The following TRAK1 variants were observed in gnomAD, a reference collection of about 807,000 sequenced individuals.
TRAK1 encodes the protein trafficking kinesin-binding protein 1.
A neutral mutation model predicts 92.1 loss-of-function variants in TRAK1; 33 were observed. The ratio of observed to expected loss-of-function variants is 0.36; its 90% CI spans 0.27 to 0.48. The LOEUF (loss-of-function observed/expected upper bound fraction) is 0.48, where lower values mean the gene tolerates loss of function less well. Ranked by LOEUF, TRAK1 falls within the 20% of genes least tolerant of loss-of-function variation. TRAK1 has a pLI of 0.99. For synonymous variants in TRAK1, 521 were observed against 517.3 expected, an observed-to-expected ratio of 1.01 and a Z score of -0.10; for missense variants, 1,123 against 1,257.9, an observed-to-expected ratio of 0.89 and a Z score of 1.62.
chr3:42,095,388 T>A (rs1705755271), intron 1 of TRAK1, among the ~76,000 whole-genome samples: 1 of 152,234 alleles, frequency 6.6e-6, no homozygotes, highest in Non-Finnish European at 1.5e-5. Flanking sequence ...TTCTTCATTT[T>A]TTTTCTGTTT....
chr3:42,050,146 G>A (rs1314909663), intron 1 of TRAK1, among the ~76,000 whole-genome samples: 1 of 150,414 alleles, frequency 6.6e-6, no homozygotes, highest in African/African-American at 2.4e-5. Context: ...CTTGGCTGAT[G>A]ATGCTTTGTC....
rs1705291737 is a variant in TRAK1 at position 42,189,010 on chromosome 3, C to T, written c.582-6C>T. 6.2e-7 allele frequency: 1 copy of T among 1,605,498 alleles called. No individual in the cohort carries two copies. The highest frequency in any genetic ancestry group is 8.5e-7 in the Non-Finnish European group (1 of 1,172,254). On this transcript the variant is annotated splice_region_variant and splice_polypyrimidine_tract_variant and intron_variant, in intron 5 of 15. Transcript: ENST00000327628. ...CCCTAGGTTGTGAGCGTACTTTCTC[C>T]CCCAGGTTGAAGAGGAATGAGTCGT... is the stretch of plus-strand genomic sequence containing the variant.
intron 4 of TRAK1, among the ~76,000 whole-genome samples, chr3:42,187,214 T>C (rs903480747): frequency 6.6e-6 from 1 of 152,150 alleles, no homozygotes; most frequent in Non-Finnish European, 1.5e-5. Flanking sequence ...TCCAGGAGCC[T>C]TGTGAGGGTG....
chr3:42,181,914 T>G (rs1031550045), intron 3 of TRAK1, among the ~76,000 whole-genome samples: 3 of 152,008 alleles, frequency 2.0e-5, no homozygotes, highest in Non-Finnish European at 2.9e-5. Context: ...TAAGCACAGC[T>G]GTTGAGTCTG....
chr3:42,209,545 C>T (rs775449629), intron 13 of TRAK1, among the ~76,000 whole-genome samples: 1 of 152,160 alleles, frequency 6.6e-6, no homozygotes, highest in African/African-American at 2.4e-5. Context: ...GATTTCTTAA[C>T]TTGCTATTCC....
intron 2 of TRAK1, among the ~76,000 whole-genome samples, chr3:42,131,902 TAA>T (rs57140951): frequency 0.015 from 2,091 of 137,608 alleles, 53 homozygotes; most frequent in East Asian, 0.1. Flanking sequence ...TACAAAAAAT[TAA>T]AAAAAAAAAA....
chr3:42,127,898 G>T (rs533959783), intron 2 of TRAK1, among the ~76,000 whole-genome samples: 1 of 152,154 alleles, frequency 6.6e-6, no homozygotes, highest in Non-Finnish European at 1.5e-5. Flanking sequence ...TAGACTTGAG[G>T]CCGGGCGTGG....
intron 10 of TRAK1, among the ~76,000 whole-genome samples, 197 bp from the exon 11 acceptor site, chr3:42,198,980 A>C (rs1445410816): frequency 6.6e-6 from 1 of 152,058 alleles, no homozygotes; most frequent in Non-Finnish European, 1.5e-5. Flanking sequence ...GCACTGCCAC[A>C]CTCAGAACCT....
chr3:42,160,771 G>A (rs940155675), intron 2 of TRAK1, among the ~76,000 whole-genome samples: 3 of 151,966 alleles, frequency 2.0e-5, no homozygotes, highest in African/African-American at 4.8e-5. Context: ...GCCACTTCCC[G>A]ATCTTTGTAA....
At chr3:42,164,941 G>A (rs1701682172) in intron 2 of TRAK1, among the ~76,000 whole-genome samples, 1 of 152,170 alleles carries the variant, frequency 6.6e-6, no homozygotes, top group African/African-American at 2.4e-5. Context: ...CTTCCTTGTG[G>A]CCTATTACCT....
intron 2 of TRAK1, among the ~76,000 whole-genome samples, chr3:42,153,515 C>T (rs1448585167): frequency 6.6e-6 from 1 of 152,208 alleles, no homozygotes; most frequent in Non-Finnish European, 1.5e-5. Context: ...TCACCTCCCC[C>T]TTTTATAACC....
chr3:42,091,518 C>T lies in TRAK1; in HGVS notation c.49C>T (p.Pro17Ser). ...FGQPVRAQPL[P>S]GLCHGKLIRT... ...GCAGCCCGTCAGGGCTCAGCCTCTGCCAGGACTCTGCCACGGCAAGCTCAT... is the reference window on the plus strand; with the variant it reads ...GCAGCCCGTCAGGGCTCAGCCTCTGTCAGGACTCTGCCACGGCAAGCTCAT... Residue 17 changes from proline (P) to serine (S), a missense_variant, in exon 1 of 16, where the codon CCA becomes TCA. This residue lies in a region of TRAK1 where 686 missense variants were observed against 747.6 expected (regional missense o/e 0.92). Coordinates refer to ENST00000327628, the MANE Select transcript of TRAK1 (RefSeq NM_001042646.3). The T allele has an allele frequency of 6.2e-7, 1 of 1,613,480 alleles. No homozygotes were observed. Among genetic ancestry groups the T allele is most frequent in the Non-Finnish European group, 8.5e-7 (1 of 1,179,848 alleles).
rs74912340 is a variant in TRAK1, at chr3:42,057,728, G to A, written c.-518-29376G>A. Among the ~76,000 whole-genome samples the A allele has an allele frequency of 6.1e-3, 933 of 152,176 alleles. 6 individuals carry two copies. Among genetic ancestry groups the A allele is most frequent in the African/African-American group, 0.021 (863 of 41,528 alleles). ...GTGGCCAAGCAGAAAGGGAGCAGACGAACTTAGATTCTGGGGTTGGCTCTG... is the reference window on the plus strand; with the variant it reads ...GTGGCCAAGCAGAAAGGGAGCAGACAAACTTAGATTCTGGGGTTGGCTCTG... On this transcript the variant is annotated intron_variant, in intron 1 of 16. Coordinates refer to the TRAK1 transcript ENST00000487159.
intron 1 of TRAK1, among the ~76,000 whole-genome samples, chr3:42,025,786 G>C (rs1305360209): frequency 6.6e-6 from 1 of 152,142 alleles, no homozygotes; most frequent in Non-Finnish European, 1.5e-5. Context: ...CATTAGGCTG[G>C]GGACACCAGC....
At chr3:42,211,731 G>A in intron 14 of TRAK1, 1 of 985,432 alleles carries the variant, frequency 1.0e-6, no homozygotes, top group African/African-American at 1.7e-5. Flanking sequence ...TAGAGAGAGA[G>A]AAGGGACCAA....
intron 2 of TRAK1, among the ~76,000 whole-genome samples, chr3:42,135,504 G>C (rs1024463117): frequency 1.3e-5 from 2 of 152,162 alleles, no homozygotes; most frequent in Non-Finnish European, 2.9e-5. Flanking sequence ...GAGGTGGGAG[G>C]ATTGCTTGAA....
chr3:42,210,263 A>G, intron 14 of TRAK1: 2 of 1,522,206 alleles, frequency 1.3e-6, no homozygotes, highest in Non-Finnish European at 1.8e-6. Flanking sequence ...GGTGATGATT[A>G]AAGCATTCTC....
At chr3:42,085,226 G>A (rs1704614761), upstream of TRAK1, among the ~76,000 whole-genome samples, 7 of 152,084 alleles carry the variant, frequency 4.6e-5, no homozygotes, top group South Asian at 1.4e-3. Flanking sequence ...GGAGTGCAGT[G>A]GCATGATCTT....
chr3:42,223,057 C>G lies in TRAK1; in HGVS notation c.2182C>G (p.Arg728Gly). 1 of 1,614,074 alleles carries G rather than the reference C, an allele frequency of 6.2e-7. No homozygotes were observed. The highest frequency in any genetic ancestry group is 8.5e-7 in the Non-Finnish European group (1 of 1,180,024). ...LSLAESFTNT[R>G]ESTTTMSTSL... ...CCTGGCTGAGTCCTTCACTAACACC[C>G]GTGAGTCCACGACCACCATGAGCAC... Residue 728 changes from arginine to glycine, a missense_variant, in exon 16 of 16, where the codon CGT becomes GGT. By Grantham distance (125) the Arg-to-Gly change is moderately radical (BLOSUM62 -2). Coordinates refer to ENST00000327628, the MANE Select transcript of TRAK1 (RefSeq NM_001042646.3). This position sits in a 1 kb window ranked among gnomAD's most constrained non-coding sequence, Gnocchi z 6.1.
Sources: allele counts gnomAD v4.1 joint callset (sites outside exome capture counted in the v4.1 genomes callset), GRCh38; gene constraint gnomAD v4.1.1; regional missense constraint gnomAD v4.1.1; non-coding constraint Gnocchi (gnomAD v3.1); transcripts MANE v1.5; gene names NCBI Gene and HGNC (gene_info 2026-07-23, HGNC 2026-07-21).